Variants in NOL10 observed in about 807,000 individuals in gnomAD.
NOL10 encodes H_NH0074G24.1.
A neutral mutation model predicts 103.5 loss-of-function variants in NOL10; 58 were observed. The observed-to-expected ratio is 0.56, with a 90% CI of 0.45 to 0.70. The LOEUF (loss-of-function observed/expected upper bound fraction) is 0.70. NOL10 is among the 30% of genes least tolerant of loss of function. The probability of loss-of-function intolerance (pLI) is 0.00; values close to 1 mark genes in which losing one functional copy is unlikely to be tolerated. For missense variants in NOL10, 763 were observed against 807.3 expected, an observed-to-expected ratio of 0.95 and a Z score of 0.67; for synonymous variants, 287 against 282.5, an observed-to-expected ratio of 1.02 and a Z score of -0.16.
chr2:10,669,513 TAC>T (rs112846253), intron 6 of NOL10, among the ~76,000 whole-genome samples: 5,144 of 132,866 alleles, frequency 0.039, 274 homozygotes, highest in African/African-American at 0.12. Flanking sequence ...CACACATATA[TAC>T]ACACACACAC....
chr2:10,589,172 T>C lies in NOL10; in HGVS notation c.1715A>G (p.Glu572Gly), dbSNP rs893341140. ...RKQRRLLQQE[E>G]KVKRQERLKE... is the part of the protein sequence containing the mutation. ...GAGTCGTTCCTGCCGCTTCACTTTT[T>C]CCTCCTGCTGGAGGAGTCTGCGTTG... is the stretch of plus-strand genomic sequence containing the variant. Residue 572 changes from glutamate (E) to glycine (G), a missense_variant, in exon 19 of 21, where the codon GAA becomes GGA. Coordinates refer to ENST00000381685, the MANE Select transcript of NOL10 (RefSeq NM_024894.4). The C allele has an allele frequency of 3.1e-6, 5 of 1,613,920 alleles. No individual in the cohort carries two copies. The highest frequency in any genetic ancestry group is 4.2e-6 in the Non-Finnish European group (5 of 1,179,896).
In NOL10 at chr2:10,600,891, C is replaced by G. The variant is rs368516979; in HGVS notation, c.1384G>C (p.Glu462Gln). The G allele has an allele frequency of 1.7e-5, 26 of 1,557,654 alleles. No individual in the cohort carries two copies. The African/African-American group carries it at 2.4e-4, about 15-fold the overall frequency. ...ELALKLIEEE[E>Q]EKQKSTWKKK... is the part of the protein sequence containing the mutation. ...TTCCATGTAGATTTCTGCTTCTCCT[C>G]TTCTTCCTCAATTAATTTAAGTGCC... The change falls in exon 17 of 21, where the codon GAG becomes CAG. Residue 462 changes from glutamate to glutamine, a missense_variant. By Grantham distance (29) the Glu-to-Gln change is conservative (BLOSUM62 2). Transcript: ENST00000381685.
intron 13 of NOL10, among the ~76,000 whole-genome samples, chr2:10,615,679 T>C (rs977418084): frequency 6.6e-6 from 1 of 152,090 alleles, no homozygotes; most frequent in African/African-American, 2.4e-5. Flanking sequence ...CGGGTAAACA[T>C]GAGAGCTTAC....
chr2:10,644,183 G>A, intron 13 of NOL10, 137 bp downstream of exon 13: 2 of 553,684 alleles, frequency 3.6e-6, no homozygotes, highest in Non-Finnish European at 6.2e-6. Flanking sequence ...AGGAGGCAGA[G>A]GTTGCAGTGG....
intron 16 of NOL10, among the ~76,000 whole-genome samples, chr2:10,602,212 C>A (rs1676012354): frequency 6.6e-6 from 1 of 152,260 alleles, no homozygotes; most frequent in Non-Finnish European, 1.5e-5. Flanking sequence ...CACGGGGCCT[C>A]CTCTTCCTAT....
intron 19 of NOL10, among the ~76,000 whole-genome samples, chr2:10,586,845 C>T (rs568727356): frequency 1.3e-5 from 2 of 150,796 alleles, no homozygotes; most frequent in African/African-American, 4.9e-5. Context: ...ATAGAACATA[C>T]AAAATATGTG....
At chr2:10,602,744 C>T in intron 16 of NOL10, 32 bp downstream of exon 16, 1 of 1,310,394 alleles carries the variant, frequency 7.6e-7, no homozygotes, top group Non-Finnish European at 1.1e-6. Context: ...GTACTCTTCT[C>T]TGATAAATTC....
intron 13 of NOL10, among the ~76,000 whole-genome samples, chr2:10,612,366 CATTT>C (rs1676616773): frequency 6.6e-6 from 1 of 152,146 alleles, no homozygotes; most frequent in Non-Finnish European, 1.5e-5. Flanking sequence ...CAAATGCCAT[CATTT>C]TTTTCTGCTT....
At chr2:10,587,827 C>G (rs901167283) in intron 19 of NOL10, among the ~76,000 whole-genome samples, 4 of 152,132 alleles carry the variant, frequency 2.6e-5, no homozygotes, top group African/African-American at 7.2e-5. Flanking sequence ...TCACTGATGT[C>G]CTCCCCACCC....
At chr2:10,622,347 G>A (rs1449992629) in intron 13 of NOL10, among the ~76,000 whole-genome samples, 6 of 152,276 alleles carry the variant, frequency 3.9e-5, no homozygotes, top group Middle Eastern at 3.4e-3. Flanking sequence ...ATGCCACGCT[G>A]TGTGTGTCAT....
intron 13 of NOL10, among the ~76,000 whole-genome samples, chr2:10,622,488 C>CAAAAAAA (rs77285222): frequency 0.41 from 50,264 of 123,804 alleles, 9,228 homozygotes; most frequent in African/African-American, 0.5. Flanking sequence ...GAGCGTTTTT[C>CAAAAAAA]AAAAAAAAAG....
rs2148353689 is a variant in NOL10 at position 10,677,368 on chromosome 2, T to C, written c.212-1497A>G. 2.0e-5 allele frequency among the ~76,000 whole-genome samples: 3 copies of C among 150,810 alleles called. No individual in the cohort carries two copies. The South Asian group carries it at 6.3e-4, about 32-fold the overall frequency. On this transcript the variant is annotated intron_variant, in intron 3 of 20. Transcript: ENST00000381685. ...ATTTCCAACAAAGACATCTTAAAAA[T>C]AAAAGAATGAGGTAGTCCTTTGTTT...
intron 10 of NOL10, among the ~76,000 whole-genome samples, chr2:10,658,189 A>C (rs1679970077): frequency 6.6e-6 from 1 of 152,268 alleles, no homozygotes; most frequent in Admixed American, 6.5e-5. Flanking sequence ...ATATATACTG[A>C]GGGCCTATGT....
Position 10,663,013 on chromosome 2 carries a change from C to G in NOL10, c.623G>C (p.Arg208Pro). The change falls in exon 9 of 21, where the codon CGA becomes CCA. Residue 208 changes from arginine to proline, a missense_variant. Arg to Pro is a moderately radical substitution (Grantham distance 103). Transcript: ENST00000381685. ...GRVECWDPRT[R>P]NRVGLLDCAL... ...GCAGTCTAACAGGCCAACTCTGTTT[C>G]GAGTTCTTGGGTCCCAGCACTCCAC... 6.2e-7 allele frequency: 1 copy of G among 1,613,958 alleles called. No homozygotes were observed. The highest frequency in any genetic ancestry group is 1.1e-5 in the South Asian group (1 of 91,068).
Position 10,571,965 on chromosome 2 carries a change from T to C in NOL10, c.*106A>G. Reference sequence around the variant, plus strand: ...TTACCTCTGTGTACAAGAACGTACATGAACTTTAAAAACGTGTGTTTCCTC... The same window carrying C: ...TTACCTCTGTGTACAAGAACGTACACGAACTTTAAAAACGTGTGTTTCCTC... On this transcript the variant is annotated 3_prime_UTR_variant, in exon 21 of 21. Transcript: ENST00000381685. 1 of 1,347,518 alleles carries C rather than the reference T, an allele frequency of 7.4e-7. No individual in the cohort carries two copies. The highest frequency in any genetic ancestry group is 1.0e-6 in the Non-Finnish European group (1 of 968,416). The allele number at this position is 1,347,518 out of a possible 1,614,324, so 83.5% of individuals were successfully genotyped here.
intron 16 of NOL10, 89 bp from the exon 17 acceptor site, chr2:10,601,031 A>G: frequency 2.7e-6 from 2 of 731,736 alleles, no homozygotes; most frequent in Non-Finnish European, 4.4e-6. Flanking sequence ...TTGTGTAAGT[A>G]TAATTTCATA....
In NOL10 at chr2:10,572,005, C is replaced by A. The variant is rs866668539; in HGVS notation, c.*66G>T. 2 of 1,575,546 alleles carry A rather than the reference C, an allele frequency of 1.3e-6. No individual in the cohort carries two copies. Among genetic ancestry groups the A allele is most frequent in the Non-Finnish European group, 1.7e-6 (2 of 1,148,750 alleles). ...TGTGTTTCCTCGTCTGTGTTTAACACCCTAACGATGATCAGTTTGGGGGAG... is the reference window on the plus strand; with the variant it reads ...TGTGTTTCCTCGTCTGTGTTTAACAACCTAACGATGATCAGTTTGGGGGAG... On this transcript the variant is annotated 3_prime_UTR_variant, in exon 21 of 21. Coordinates refer to ENST00000381685, the MANE Select transcript of NOL10 (RefSeq NM_024894.4).
chr2:10,667,212 G>C lies in NOL10; in HGVS notation c.591+6C>G. 6.4e-7 allele frequency: 1 copy of C among 1,567,530 alleles called. No homozygotes were observed. Among genetic ancestry groups the C allele is most frequent in the South Asian group, 1.2e-5 (1 of 85,426 alleles). ...ATTCTAAAAAATAAAGTCAACATAT[G>C]CTTACCTCTATGGTTCCTGTGGCAA... On this transcript the variant is annotated splice_donor_region_variant and intron_variant, in intron 8 of 20. Transcript: ENST00000381685.
chr2:10,657,180 A>C (rs1251156687), intron 11 of NOL10, among the ~76,000 whole-genome samples: 1 of 152,132 alleles, frequency 6.6e-6, no homozygotes, highest in African/African-American at 2.4e-5. Flanking sequence ...TTAGCTGGGC[A>C]TGGTGACATG....
Sources: gnomAD v4.1 joint callset for allele counts (sites outside exome capture counted in the v4.1 genomes callset) on GRCh38, gnomAD v4.1.1 for gene constraint, MANE v1.5 for transcripts, NCBI Gene and HGNC (gene_info 2026-07-23, HGNC 2026-07-21) for gene names.